Variants in COL28A1 observed in about 807,000 individuals in gnomAD.
The protein encoded by COL28A1 is collagen alpha-1(XXVIII) chain.
A neutral mutation model predicts 150.2 loss-of-function variants in COL28A1; 161 were observed. That is an observed-to-expected ratio of 1.07 (90% confidence interval 0.94 to 1.22). The LOEUF is 1.22. Among genes scored for constraint, COL28A1 ranks in the 50% most tolerant of loss-of-function variants. COL28A1 has a pLI of 0.00. For missense variants in COL28A1, 1,617 were observed against 1,388.3 expected (o/e 1.16, Z -2.62); for synonymous variants, 552 against 469.7 (o/e 1.18, Z -2.26).
downstream of COL28A1, among the ~76,000 whole-genome samples, chr7:7,351,395 A>G (rs1297792): frequency 0.85 from 129,112 of 152,190 alleles, 54,964 homozygotes; most frequent in East Asian, 1. Flanking sequence ...TTACAGCAAC[A>G]GAAGGCAGTG....
Position 7,387,819 on chromosome 7 carries a change from A to G in COL28A1, c.2137-6207T>C, listed in dbSNP as rs943380176. Among the ~76,000 whole-genome samples, 5 of 152,204 alleles carry G rather than the reference A, an allele frequency of 3.3e-5. No homozygotes were observed. In the East Asian group the frequency reaches 5.8e-4, roughly 18 times the overall value. ...CAGCTATCACTGCTGCAGCGGCTAA[A>G]GCATATGAGTATACAGGTACTTTGC... On this transcript the variant is annotated intron_variant, in intron 27 of 34. Transcript: ENST00000399429.
intron 9 of COL28A1, among the ~76,000 whole-genome samples, chr7:7,510,207 C>G (rs1299726844): frequency 6.6e-6 from 1 of 152,084 alleles, no homozygotes; most frequent in Admixed American, 6.5e-5. Flanking sequence ...GATATACTCT[C>G]TGTATATATT....
chr7:7,446,945 T>C (rs769944463), intron 18 of COL28A1, among the ~76,000 whole-genome samples: 6 of 152,132 alleles, frequency 3.9e-5, no homozygotes, highest in Non-Finnish European at 8.8e-5. Context: ...GCTCAGTACA[T>C]GTGTGTGAAG....
rs530788592 is a variant in COL28A1, at chr7:7,487,641, G to C, written c.1164+1748C>G. Among the ~76,000 whole-genome samples the C allele has an allele frequency of 5.3e-5, 8 of 152,178 alleles. No individual in the cohort carries two copies. In the South Asian group the frequency reaches 1.7e-3, roughly 32 times the overall value. ...AATATTTCCAGCTCTGAAAATCATA[G>C]ACCTAAGGAGAACCCAATCTTTTAA... On this transcript the variant is annotated intron_variant, in intron 13 of 34. Transcript: ENST00000399429.
intron 15 of COL28A1, among the ~76,000 whole-genome samples, chr7:7,463,301 T>C (rs1787790221): frequency 6.6e-6 from 1 of 152,196 alleles, no homozygotes. Context: ...CTCACTAATG[T>C]TTAATTGTAA....
chr7:7,451,702 CATATGTAT>C (rs2128329248), intron 18 of COL28A1, among the ~76,000 whole-genome samples: 1 of 152,132 alleles, frequency 6.6e-6, no homozygotes, highest in South Asian at 2.1e-4. Flanking sequence ...ATATATTACA[CATATGTAT>C]AAACATATGT....
chr7:7,427,109 A>T (rs1300590014), intron 25 of COL28A1, among the ~76,000 whole-genome samples: 1 of 152,228 alleles, frequency 6.6e-6, no homozygotes, highest in Non-Finnish European at 1.5e-5. Flanking sequence ...GGAAAACAGC[A>T]AGGAGAGATG....
At chr7:7,491,809 ACCCCAATTAC>A (rs1333833464) in intron 11 of COL28A1, among the ~76,000 whole-genome samples, 1 of 152,192 alleles carries the variant, frequency 6.6e-6, no homozygotes, top group East Asian at 1.9e-4. Flanking sequence ...GTGGCTATTG[ACCCCAATTAC>A]CCATTTCATA....
upstream of COL28A1, among the ~76,000 whole-genome samples, chr7:7,538,714 T>C (rs1340372913): frequency 6.6e-6 from 1 of 152,126 alleles, no homozygotes; most frequent in Non-Finnish European, 1.5e-5. Context: ...GAGAATTGTA[T>C]CTGCATGAAG....
At chr7:7,482,081 G>C (rs549317380) in intron 13 of COL28A1, among the ~76,000 whole-genome samples, 9 of 152,242 alleles carry the variant, frequency 5.9e-5, no homozygotes, top group African/African-American at 2.2e-4. Context: ...TCTATCAGCA[G>C]ATTTATATTA....
chr7:7,347,066 A>G, the COL28A1 span, among the ~76,000 whole-genome samples: 1 of 152,140 alleles, frequency 6.6e-6, no homozygotes, highest in African/African-American at 2.4e-5. Context: ...ATTTCTTAAT[A>G]CCAGAAGGCT....
chr7:7,388,236 C>A (rs1671902028), intron 27 of COL28A1, among the ~76,000 whole-genome samples: 1 of 151,660 alleles, frequency 6.6e-6, no homozygotes, highest in Admixed American at 6.6e-5. Context: ...TTTTTCAACT[C>A]CCAGTTATGA....
chr7:7,509,324 T>C (rs544072358), intron 9 of COL28A1, among the ~76,000 whole-genome samples: 7 of 152,150 alleles, frequency 4.6e-5, no homozygotes, highest in Non-Finnish European at 7.4e-5. Flanking sequence ...GGCCTCACTA[T>C]GTTGCCCAGG....
At chr7:7,378,196 AAAGT>A (rs1781668634) in intron 30 of COL28A1, among the ~76,000 whole-genome samples, 1 of 152,210 alleles carries the variant, frequency 6.6e-6, no homozygotes, top group Non-Finnish European at 1.5e-5. Context: ...ACAGGGACTA[AAAGT>A]AAGATTGCCT....
At chr7:7,495,324 T>C (rs1173668694) in intron 11 of COL28A1, among the ~76,000 whole-genome samples, 1 of 152,158 alleles carries the variant, frequency 6.6e-6, no homozygotes, top group Admixed American at 6.5e-5. Context: ...AGTAGACACA[T>C]GTGGCTACCT....
Position 7,373,401 on chromosome 7 carries a change from G to A in COL28A1, c.2505C>T (p.Ala835=). The part of the protein sequence containing the change: ...ADRVALDLAT[A]RIGIINYSHK... ...GGCTATAGTTGATTATGCCTATGCG[G>A]GCCGTGGCAAGGTCCAGAGCAACCC... is the stretch of plus-strand genomic sequence containing the variant. The change falls in exon 32 of 35, where the codon GCC becomes GCT. Residue 835 remains alanine (A), a synonymous_variant. Coordinates refer to ENST00000399429, the MANE Select transcript of COL28A1 (RefSeq NM_001037763.3). This position sits in a 1 kb window ranked among gnomAD's most constrained non-coding sequence, Gnocchi z 4.1. 6.2e-7 allele frequency: 1 copy of A among 1,614,144 alleles called. No homozygotes were observed. Among genetic ancestry groups the A allele is most frequent in the Non-Finnish European group, 8.5e-7 (1 of 1,180,048 alleles).
chr7:7,365,121 G>C (rs1405437752), intron 33 of COL28A1, among the ~76,000 whole-genome samples: 1 of 132,886 alleles, frequency 7.5e-6, no homozygotes, highest in Non-Finnish European at 1.7e-5. Context: ...GATTGCCTCT[G>C]GAGAGAGGAG....
chr7:7,400,072 A>G (rs1236555603), intron 27 of COL28A1, among the ~76,000 whole-genome samples: 1 of 152,238 alleles, frequency 6.6e-6, no homozygotes, highest in South Asian at 2.1e-4. Context: ...TTTTCCATTT[A>G]TCAGTTCATT....
At chr7:7,349,266 C>T in the COL28A1 span, among the ~76,000 whole-genome samples, 1 of 151,990 alleles carries the variant, frequency 6.6e-6, no homozygotes, top group African/African-American at 2.4e-5. Flanking sequence ...AGTTTATTAG[C>T]ACCTATTTAC....
Sources: allele counts gnomAD v4.1 joint callset (sites outside exome capture counted in the v4.1 genomes callset), GRCh38; gene constraint gnomAD v4.1.1; non-coding constraint Gnocchi (gnomAD v3.1); transcripts MANE v1.5; gene names NCBI Gene and HGNC (gene_info 2026-07-23, HGNC 2026-07-21).